The following EEFSEC variants were observed in gnomAD, a reference collection of about 807,000 sequenced individuals.
EEFSEC encodes eukaryotic elongation factor, selenocysteine-tRNA specific.
EEFSEC carries 43 observed loss-of-function variants against 42.1 expected under a neutral mutation model. The observed-to-expected ratio is 1.02, with a 90% CI of 0.80 to 1.32. The LOEUF is 1.32. EEFSEC is among the 40% of genes most tolerant of loss of function. The pLI, the probability that EEFSEC is intolerant of heterozygous loss-of-function variation, is 0.00. For synonymous variants in EEFSEC, 354 were observed against 339.1 expected (o/e 1.04, Z -0.48); for missense variants, 745 against 803.6 (o/e 0.93, Z 0.88).
chr3:128,362,576 G>T (rs1559940637), intron 6 of EEFSEC, among the ~76,000 whole-genome samples: 1 of 152,238 alleles, frequency 6.6e-6, no homozygotes. Flanking sequence ...GCTGATTTGG[G>T]ACAGTTCATG....
chr3:128,335,724 G>C (rs2067182945), intron 4 of EEFSEC, among the ~76,000 whole-genome samples: 1 of 152,178 alleles, frequency 6.6e-6, no homozygotes, highest in Non-Finnish European at 1.5e-5. Context: ...CAGGCTCTTG[G>C]AAGAACAGGC....
intron 1 of EEFSEC, among the ~76,000 whole-genome samples, chr3:128,232,299 A>G (rs1371987993): frequency 1.3e-5 from 2 of 152,178 alleles, no homozygotes; most frequent in African/African-American, 4.8e-5. Flanking sequence ...TAAAACATTC[A>G]TTTTATTATT....
chr3:128,202,749 A>G (rs1269369211), intron 1 of EEFSEC, among the ~76,000 whole-genome samples: 2 of 152,200 alleles, frequency 1.3e-5, no homozygotes, highest in African/African-American at 4.8e-5. Flanking sequence ...GTGACAAATC[A>G]TTTCATATTT....
chr3:128,289,085 C>T (rs1267195095), intron 4 of EEFSEC, among the ~76,000 whole-genome samples: 3 of 152,220 alleles, frequency 2.0e-5, no homozygotes, highest in Non-Finnish European at 4.4e-5. Flanking sequence ...ATAGGGAACA[C>T]GCTTTTCAAT....
intron 4 of EEFSEC, among the ~76,000 whole-genome samples, chr3:128,302,648 G>C (rs936472188): frequency 3.3e-5 from 5 of 151,808 alleles, no homozygotes; most frequent in African/African-American, 1.2e-4. Flanking sequence ...TATATATATG[G>C]TTGGGAAATT....
chr3:128,416,983 G>A, the EEFSEC span, among the ~76,000 whole-genome samples: 9 of 152,126 alleles, frequency 5.9e-5, no homozygotes, highest in East Asian at 3.9e-4. Context: ...TGGTGGGTGC[G>A]GTCAGCCATG....
chr3:128,417,754 C>A, the EEFSEC span, among the ~76,000 whole-genome samples: 1 of 152,104 alleles, frequency 6.6e-6, no homozygotes, highest in East Asian at 1.9e-4. This position sits in a 1 kb window ranked among gnomAD's most constrained non-coding sequence, Gnocchi z 4.3. Context: ...CTCATTATTG[C>A]CGTAACTGTT....
At chr3:128,211,131 A>G (rs1248450926) in intron 1 of EEFSEC, among the ~76,000 whole-genome samples, 1 of 152,220 alleles carries the variant, frequency 6.6e-6, no homozygotes, top group Non-Finnish European at 1.5e-5. Context: ...GGAGGACTAG[A>G]GATCATAGAG....
At chr3:128,168,697 G>A (rs986506955) in intron 1 of EEFSEC, among the ~76,000 whole-genome samples, 32 of 152,236 alleles carry the variant, frequency 2.1e-4, no homozygotes, top group African/African-American at 7.5e-4. Context: ...GGGCTTCGAG[G>A]CTGTTGTCAT....
chr3:128,258,825 T>C (rs1559890011), intron 2 of EEFSEC, among the ~76,000 whole-genome samples: 1 of 152,232 alleles, frequency 6.6e-6, no homozygotes, highest in African/African-American at 2.4e-5. Flanking sequence ...CTTAAATATA[T>C]GTTCCCTGAT....
downstream of EEFSEC, among the ~76,000 whole-genome samples, chr3:128,412,305 G>A (rs1273357677): frequency 1.3e-5 from 2 of 152,348 alleles, no homozygotes; most frequent in East Asian, 1.9e-4. Context: ...CTGTCAGTCC[G>A]AGCTCACTCT....
Position 128,317,828 on chromosome 3 carries a change from C to G in EEFSEC, c.787-23405C>G, listed in dbSNP as rs1269071622. ...CTGCTCCAGCTGCTCCGTCCATCCA[C>G]AGGCCTGGCACAGATGTCCCCTCCT... On this transcript the variant is annotated intron_variant, in intron 4 of 6. Transcript: ENST00000254730. The surrounding 1 kb of genome is among the most constrained non-coding windows in gnomAD (Gnocchi z 4.1). Among the ~76,000 whole-genome samples the G allele has an allele frequency of 6.6e-6, 1 of 152,272 alleles. No homozygotes were observed. The highest frequency in any genetic ancestry group is 1.5e-5 in the Non-Finnish European group (1 of 68,046).
chr3:128,233,809 C>T (rs371730850), intron 1 of EEFSEC, among the ~76,000 whole-genome samples: 1 of 152,128 alleles, frequency 6.6e-6, no homozygotes, highest in East Asian at 1.9e-4. Flanking sequence ...ATCCAGTCCT[C>T]CAGTTTGTTA....
intron 2 of EEFSEC, among the ~76,000 whole-genome samples, chr3:128,248,553 C>T (rs1224839476): frequency 2.6e-5 from 4 of 152,114 alleles, no homozygotes; most frequent in African/African-American, 9.7e-5. Flanking sequence ...TTATTCCCAG[C>T]GGAAGTGGAT....
chr3:128,408,907 T>C (rs956515169), downstream of EEFSEC, among the ~76,000 whole-genome samples: 22 of 152,198 alleles, frequency 1.4e-4, no homozygotes, highest in African/African-American at 5.3e-4. Context: ...CACAGGGAAG[T>C]TGGGGAATAG....
chr3:128,316,418 G>T (rs188472762), intron 4 of EEFSEC, among the ~76,000 whole-genome samples: 1 of 152,276 alleles, frequency 6.6e-6, no homozygotes, highest in East Asian at 1.9e-4. Context: ...ATCTCATACC[G>T]ATGCCTACCG....
chr3:128,394,364 T>C (rs1414715953), intron 6 of EEFSEC, among the ~76,000 whole-genome samples: 1 of 152,172 alleles, frequency 6.6e-6, no homozygotes, highest in Non-Finnish European at 1.5e-5. Flanking sequence ...GCTGATACAG[T>C]AATCAGGGTG....
intron 1 of EEFSEC, among the ~76,000 whole-genome samples, chr3:128,242,384 T>G (rs2066081322): frequency 6.6e-6 from 1 of 152,152 alleles, no homozygotes. Flanking sequence ...ACAAACCTGG[T>G]CATCCTGCAC....
intron 4 of EEFSEC, among the ~76,000 whole-genome samples, chr3:128,286,883 A>G (rs1388656783): frequency 1.3e-5 from 2 of 152,256 alleles, no homozygotes; most frequent in Non-Finnish European, 2.9e-5. Context: ...CAAGCTGAAC[A>G]TGAGCTCATG....
Sources: gnomAD v4.1 joint callset for allele counts (sites outside exome capture counted in the v4.1 genomes callset) on GRCh38, gnomAD v4.1.1 for gene constraint, Gnocchi (gnomAD v3.1) non-coding constraint, MANE v1.5 for transcripts, NCBI Gene and HGNC (gene_info 2026-07-23, HGNC 2026-07-21) for gene names.